Variants in PJA2 observed in about 807,000 individuals in gnomAD.
PJA2 encodes the protein praja ring finger ubiquitin ligase 2.
In PJA2, 25 loss-of-function variants were observed where a neutral mutation model predicts 69.3. The observed-to-expected ratio is 0.36, with a 90% CI of 0.26 to 0.50. The LOEUF (loss-of-function observed/expected upper bound fraction) is 0.50, where lower values mean the gene tolerates loss of function less well. Ranked by LOEUF, PJA2 falls within the 20% of genes least tolerant of loss-of-function variation. The pLI is 0.96. For missense variants in PJA2, 809 were observed against 830.2 expected, an observed-to-expected ratio of 0.97 and a Z score of 0.31; for synonymous variants, 308 against 277.8, an observed-to-expected ratio of 1.11 and a Z score of -1.08.
intron 1 of PJA2, among the ~76,000 whole-genome samples, chr5:109,404,365 A>G (rs1226111246): frequency 1.3e-5 from 2 of 151,944 alleles, no homozygotes; most frequent in Non-Finnish European, 2.9e-5. Flanking sequence ...TACTAAAAAT[A>G]CAAAAATTAG....
At chr5:109,361,503 T>C (rs1247206951) in intron 6 of PJA2, among the ~76,000 whole-genome samples, 1 of 152,208 alleles carries the variant, frequency 6.6e-6, no homozygotes, top group East Asian at 1.9e-4. Flanking sequence ...GCATAGATGA[T>C]GCTAAACAGA....
chr5:109,378,066 T>G, intron 4 of PJA2, 138 bp downstream of exon 4: 1 of 645,986 alleles, frequency 1.5e-6, no homozygotes, highest in Non-Finnish European at 2.6e-6. Flanking sequence ...TGGTTAGCAT[T>G]CAGTAAATAA....
chr5:109,359,643 T>C (rs1762477852), intron 6 of PJA2, among the ~76,000 whole-genome samples: 1 of 152,118 alleles, frequency 6.6e-6, no homozygotes, highest in Non-Finnish European at 1.5e-5. Flanking sequence ...TTTTTAAAAA[T>C]GTCAGGGTTA....
intron 1 of PJA2, among the ~76,000 whole-genome samples, chr5:109,395,398 G>A (rs759397582): frequency 2.6e-5 from 4 of 151,960 alleles, no homozygotes; most frequent in Middle Eastern, 3.2e-3. Flanking sequence ...GCATGGTGGC[G>A]TGTGCTGTAG....
At chr5:109,390,864 G>T (rs906672465) in intron 1 of PJA2, 1 of 151,950 alleles carries the variant, frequency 6.6e-6, no homozygotes, top group Non-Finnish European at 1.5e-5. Context: ...CTTTTGGCAG[G>T]CAATTATATT....
chr5:109,371,665 A>T (rs1762677727), intron 4 of PJA2, among the ~76,000 whole-genome samples: 2 of 152,214 alleles, frequency 1.3e-5, no homozygotes, highest in Non-Finnish European at 2.9e-5. Context: ...TACATATCAA[A>T]CAGTATGTTT....
intron 6 of PJA2, among the ~76,000 whole-genome samples, chr5:109,356,659 A>C (rs977388516): frequency 2.0e-5 from 3 of 152,130 alleles, no homozygotes; most frequent in Admixed American, 1.3e-4. Context: ...AAATAACCAT[A>C]TTTATTTTAA....
chr5:109,381,427 C>T lies in PJA2; in HGVS notation c.232+76G>A, dbSNP rs374914785. The T allele has an allele frequency of 5.8e-4, 709 of 1,230,576 alleles. 10 individuals carry two copies. The African/African-American group carries it at 9.3e-3, about 16-fold the overall frequency. 76.2% of individuals were successfully genotyped at this position (1,230,576 alleles called of 1,614,324 possible). A position where few individuals can be genotyped will look rare whatever the true frequency, so the allele number is the denominator to read the frequency against. ...TTTACACTCACAGACATGCATAATA[C>T]CCACCCAAAAATTTAATTATAAGAT... is the stretch of plus-strand genomic sequence containing the variant. On this transcript the variant is annotated intron_variant, in intron 3 of 9. Transcript: ENST00000361189.
At chr5:109,345,081 G>C (rs879784920) in intron 7 of PJA2, among the ~76,000 whole-genome samples, 21 of 150,554 alleles carry the variant, frequency 1.4e-4, no homozygotes, top group Middle Eastern at 3.2e-3. Context: ...AATGGCTCAT[G>C]CCTGTAATCC....
chr5:109,400,643 T>C (rs1190359816), intron 1 of PJA2, among the ~76,000 whole-genome samples: 1 of 152,102 alleles, frequency 6.6e-6, no homozygotes, highest in African/African-American at 2.4e-5. Flanking sequence ...CACAAAAATG[T>C]ACACATATCC....
intron 7 of PJA2, among the ~76,000 whole-genome samples, chr5:109,350,790 G>A (rs753506039): frequency 3.3e-5 from 5 of 152,116 alleles, no homozygotes; most frequent in Non-Finnish European, 7.3e-5. Context: ...AGCCTTCCTA[G>A]TGCCTATACC....
chr5:109,362,812 A>G, intron 6 of PJA2, 28 bp downstream of exon 6: 1 of 1,545,942 alleles, frequency 6.5e-7, no homozygotes, highest in Non-Finnish European at 8.8e-7. Flanking sequence ...AGCCTAATTA[A>G]GCATCCTAAT....
intron 3 of PJA2, 34 bp from the exon 4 acceptor site, chr5:109,379,288 G>C (rs779536974): frequency 3.5e-6 from 5 of 1,442,014 alleles, no homozygotes; most frequent in Non-Finnish European, 4.7e-6. Flanking sequence ...ATATTTTAAA[G>C]GATTAACTTA....
chr5:109,353,819 G>A (rs371645275), intron 7 of PJA2, among the ~76,000 whole-genome samples: 69 of 105,346 alleles, frequency 6.5e-4, no homozygotes, highest in Non-Finnish European at 8.7e-4. Flanking sequence ...TAGATTAGAT[G>A]TCTATGATAT....
chr5:109,386,724 T>C (rs1433576800), intron 1 of PJA2, among the ~76,000 whole-genome samples: 3 of 152,194 alleles, frequency 2.0e-5, no homozygotes, highest in Non-Finnish European at 2.9e-5. Context: ...CACTGAGTCC[T>C]TGGACATCTG....
chr5:109,365,651 A>G (rs1762574024), intron 5 of PJA2, among the ~76,000 whole-genome samples: 1 of 152,186 alleles, frequency 6.6e-6, no homozygotes. Context: ...TAGCTACCCA[A>G]GCAATAAACT....
chr5:109,397,471 C>T (rs919176168), intron 1 of PJA2, among the ~76,000 whole-genome samples: 4 of 151,798 alleles, frequency 2.6e-5, no homozygotes, highest in African/African-American at 9.7e-5. Context: ...ATGAATGAAA[C>T]CCTTCCTCAA....
chr5:109,367,954 A>G (rs1309696539), intron 5 of PJA2, among the ~76,000 whole-genome samples: 1 of 151,948 alleles, frequency 6.6e-6, no homozygotes, highest in Non-Finnish European at 1.5e-5. Context: ...ATTCATTTAC[A>G]TCTTGTCTAT....
chr5:109,393,273 G>A (rs1582625575), intron 1 of PJA2, among the ~76,000 whole-genome samples: 1 of 152,134 alleles, frequency 6.6e-6, no homozygotes, highest in South Asian at 2.1e-4. Flanking sequence ...TCATAAATTA[G>A]AACAAGTTAT....
Sources: allele counts gnomAD v4.1 joint callset (sites outside exome capture counted in the v4.1 genomes callset), GRCh38; gene constraint gnomAD v4.1.1; transcripts MANE v1.5; gene names NCBI Gene and HGNC (gene_info 2026-07-23, HGNC 2026-07-21).